Variants in TBC1D31 observed in about 807,000 individuals in gnomAD.
The protein encoded by TBC1D31 is TBC1 domain family member 31, also known as WD repeat domain 67.
In TBC1D31, 99 loss-of-function variants were observed where a neutral mutation model predicts 132.9. The ratio of observed to expected loss-of-function variants is 0.74; its 90% CI spans 0.63 to 0.88. The LOEUF (loss-of-function observed/expected upper bound fraction) is 0.88, where lower values mean the gene tolerates loss of function less well. TBC1D31 is among the 40% of genes least tolerant of loss of function. TBC1D31 has a pLI of 0.00. For synonymous variants in TBC1D31, 385 were observed against 419.4 expected, an observed-to-expected ratio of 0.92 and a Z score of 1.00; for missense variants, 1,134 against 1,256.6, an observed-to-expected ratio of 0.90 and a Z score of 1.48.
Position 123,122,392 on chromosome 8 carries a change from C to T in TBC1D31, c.1570+2204C>T, listed in dbSNP as rs73339615. Among the ~76,000 whole-genome samples the T allele has an allele frequency of 1.6e-3, 237 of 152,276 alleles. 1 individual carries two copies. Among genetic ancestry groups the T allele is most frequent in the African/African-American group, 5.3e-3 (219 of 41,554 alleles). ...GTCCTGCCACATGCTAGCTACTACACGGGTGAACCTTGAGAACATCCTGCT... is the reference window on the plus strand; with the variant it reads ...GTCCTGCCACATGCTAGCTACTACATGGGTGAACCTTGAGAACATCCTGCT... On this transcript the variant is annotated intron_variant, in intron 11 of 21. Coordinates refer to ENST00000287380, the MANE Select transcript of TBC1D31 (RefSeq NM_145647.4).
intron 17 of TBC1D31, among the ~76,000 whole-genome samples, chr8:123,139,212 G>A (rs1821397777): frequency 6.7e-6 from 1 of 150,374 alleles, no homozygotes; most frequent in Admixed American, 6.6e-5. Flanking sequence ...GTTATGTCCT[G>A]ATAACTTATA....
intron 18 of TBC1D31, among the ~76,000 whole-genome samples, chr8:123,141,648 G>A (rs1042887512): frequency 4.0e-5 from 6 of 151,884 alleles, no homozygotes; most frequent in African/African-American, 1.5e-4. Flanking sequence ...ACCTTCTGTT[G>A]TACAACAGTC....
At chr8:123,074,410 G>C (rs1478880516) in intron 1 of TBC1D31, among the ~76,000 whole-genome samples, 2 of 152,162 alleles carry the variant, frequency 1.3e-5, no homozygotes, top group Admixed American at 6.6e-5. Flanking sequence ...GTTACTGTCA[G>C]GCCTCTTTAT....
At chr8:123,094,191 A>C (rs1174790981) in intron 5 of TBC1D31, among the ~76,000 whole-genome samples, 2 of 151,678 alleles carry the variant, frequency 1.3e-5, no homozygotes, top group Admixed American at 6.6e-5. Flanking sequence ...CAGCCTCCCG[A>C]GTAGCTGGGA....
chr8:123,092,175 C>T (rs546545682), intron 4 of TBC1D31, among the ~76,000 whole-genome samples: 5 of 152,042 alleles, frequency 3.3e-5, no homozygotes, highest in South Asian at 2.1e-4. Context: ...CCACCACACC[C>T]GGCTAATTTT....
At chr8:123,076,031 C>A (rs1210416746) in intron 1 of TBC1D31, among the ~76,000 whole-genome samples, 1 of 152,150 alleles carries the variant, frequency 6.6e-6, no homozygotes, top group African/African-American at 2.4e-5. Flanking sequence ...AAAAAATTAA[C>A]CATATTGCTA....
In TBC1D31 at chr8:123,093,589, AG is replaced by A. The variant is rs1816559371; in HGVS notation, c.520del. ...AAACTAACTTTCTCTATTCCTCCTT[AG>A]GTTTTCTTTCTACCATTAAGTAATA... On this transcript the variant is annotated splice_acceptor_variant, in intron 4 of 21. Coordinates refer to ENST00000287380, the MANE Select transcript of TBC1D31 (RefSeq NM_145647.4). LOFTEE classifies it high-confidence loss of function. The A allele has an allele frequency of 3.8e-6, 6 of 1,595,714 alleles. No homozygotes were observed. Among genetic ancestry groups the A allele is most frequent in the Non-Finnish European group, 5.1e-6 (6 of 1,168,208 alleles).
chr8:123,098,075 A>G lies in TBC1D31; in HGVS notation c.831+634A>G, dbSNP rs533237361. ...CAGATTAGATATATGTTTTACATAT[A>G]TATGTATACATATGCATGTATGTAT... On this transcript the variant is annotated intron_variant, in intron 6 of 21. Transcript: ENST00000287380. 3.3e-5 allele frequency among the ~76,000 whole-genome samples: 5 copies of G among 152,266 alleles called. No individual in the cohort carries two copies. The East Asian group carries it at 7.7e-4, about 23-fold the overall frequency.
the TBC1D31 span, among the ~76,000 whole-genome samples, chr8:123,164,328 G>C: frequency 6.6e-6 from 1 of 152,332 alleles, no homozygotes; most frequent in East Asian, 1.9e-4. Flanking sequence ...GCCCAAGCAA[G>C]TCACATGGCC....
rs1815486684 is a variant in TBC1D31 at position 123,084,280 on chromosome 8, C to G, written c.459C>G (p.Asp153Glu). The G allele has an allele frequency of 6.2e-6, 10 of 1,613,990 alleles. No homozygotes were observed. The South Asian group carries it at 1.1e-4, about 18-fold the overall frequency. Residue 153 changes from aspartate (D) to glutamate (E), a missense_variant, in exon 4 of 22, where the codon GAC becomes GAG. Transcript: ENST00000287380. ...TTSSDTAQLW[D>E]LDTFQRKRKL... The stretch of plus-strand genomic sequence containing the variant: ...CTTCTGATACAGCACAATTATGGGA[C>G]TTGGATACCTTTCAGAGAAAAAGAA...
intron 19 of TBC1D31, among the ~76,000 whole-genome samples, chr8:123,143,664 C>T (rs1821913539): frequency 6.6e-6 from 1 of 152,186 alleles, no homozygotes; most frequent in African/African-American, 2.4e-5. Flanking sequence ...TTTCCTCCTA[C>T]CCCATCCCAG....
intron 5 of TBC1D31, among the ~76,000 whole-genome samples, chr8:123,095,665 G>A (rs562361837): frequency 6.6e-6 from 1 of 152,144 alleles, no homozygotes; most frequent in African/African-American, 2.4e-5. Context: ...GCTGACTTTG[G>A]CATCCTTTTA....
chr8:123,107,503 C>T (rs1818046150), intron 8 of TBC1D31, among the ~76,000 whole-genome samples: 2 of 152,166 alleles, frequency 1.3e-5, no homozygotes, highest in African/African-American at 4.8e-5. Context: ...GAATAGCAGA[C>T]ACAAGCCTAG....
intron 4 of TBC1D31, among the ~76,000 whole-genome samples, chr8:123,088,874 T>C (rs1196443553): frequency 2.0e-5 from 3 of 152,086 alleles, no homozygotes; most frequent in Non-Finnish European, 4.4e-5. Flanking sequence ...CATTCTGGAG[T>C]TGTTTTTTCT....
chr8:123,129,091 A>G lies in TBC1D31; in HGVS notation c.2143A>G (p.Lys715Glu). ...GCAGACAGTTGAAGATATGCAAGCTAAAGTCGACCAGCAAAGAGTTGAAGA... is the reference window on the plus strand; with the variant it reads ...GCAGACAGTTGAAGATATGCAAGCTGAAGTCGACCAGCAAAGAGTTGAAGA... ...ERQTVEDMQA[K>E]VDQQRVEDEA... is the part of the protein sequence containing the mutation. The change falls in exon 15 of 22, where the codon AAA becomes GAA. Residue 715 changes from lysine (K) to glutamate (E), a missense_variant. Lys to Glu is a moderately conservative substitution (Grantham distance 56). Transcript: ENST00000287380. 6.2e-7 allele frequency: 1 copy of G among 1,606,224 alleles called. No individual in the cohort carries two copies. Among genetic ancestry groups the G allele is most frequent in the Non-Finnish European group, 8.5e-7 (1 of 1,174,954 alleles).
At chr8:123,133,721 A>G (rs1259159251) in intron 16 of TBC1D31, among the ~76,000 whole-genome samples, 1 of 152,174 alleles carries the variant, frequency 6.6e-6, no homozygotes, top group African/African-American at 2.4e-5. Context: ...TAATTGTCAA[A>G]CCATACTTAT....
At chr8:123,157,146 T>C (rs932300237), downstream of TBC1D31, among the ~76,000 whole-genome samples, 2 of 151,798 alleles carry the variant, frequency 1.3e-5, no homozygotes, top group Admixed American at 6.5e-5. Context: ...ATATGTCTTT[T>C]CCCCTTGTTG....
At chr8:123,078,137 G>C (rs1049140054) in intron 2 of TBC1D31, among the ~76,000 whole-genome samples, 2 of 152,182 alleles carry the variant, frequency 1.3e-5, no homozygotes, top group Non-Finnish European at 2.9e-5. Flanking sequence ...AGGTGGGATT[G>C]ATGGAGATAG....
chr8:123,092,040 G>T (rs1816376081), intron 4 of TBC1D31, among the ~76,000 whole-genome samples: 1 of 152,066 alleles, frequency 6.6e-6, no homozygotes, highest in African/African-American at 2.4e-5. Context: ...TTGAGATGGA[G>T]TTTCACTCTT....
Sources: gnomAD v4.1 joint callset for allele counts (sites outside exome capture counted in the v4.1 genomes callset) on GRCh38, gnomAD v4.1.1 for gene constraint, MANE v1.5 for transcripts, NCBI Gene and HGNC (gene_info 2026-07-23, HGNC 2026-07-21) for gene names.